ALG11: variants seen among roughly 807,000 people sequenced by gnomAD.
The protein encoded by ALG11 is ALG11 alpha-1,2-mannosyltransferase, also known as GDP-Man:Man(3)GlcNAc(2)-PP-Dol alpha-1,2-mannosyltransferase.
ALG11 carries 26 observed loss-of-function variants against 38.8 expected under a neutral mutation model. That is an observed-to-expected ratio of 0.67 (90% CI 0.49 to 0.93). ALG11 has a LOEUF of 0.93. Ranked by LOEUF, ALG11 falls within the 40% of genes least tolerant of loss-of-function variation. ALG11 has a pLI of 0.00. For missense variants in ALG11, 535 were observed against 578.8 expected, an observed-to-expected ratio of 0.92 and a Z score of 0.78; for synonymous variants, 199 against 211.6, an observed-to-expected ratio of 0.94 and a Z score of 0.52.
At chr13:52,027,524 T>C (rs1954253095) in intron 3 of ALG11, among the ~76,000 whole-genome samples, 1 of 152,236 alleles carries the variant, frequency 6.6e-6, no homozygotes, top group African/African-American at 2.4e-5. Flanking sequence ...ATCAGCTCTG[T>C]ACCATCCTTC....
Position 52,031,127 on chromosome 13 carries a change from C to CA in ALG11, c.*2538dup, listed in dbSNP as rs1954300003. On this transcript the variant is annotated 3_prime_UTR_variant, in exon 4 of 4. Transcript: ENST00000521508. ...GTAGGTTGTGTAGCTGGAGAAGTGA[C>CA]AGTCAGGGGCCCTGATTCCACTTCC... The CA allele has an allele frequency of 6.3e-7, 1 of 1,583,346 alleles. No individual in the cohort carries two copies. Among genetic ancestry groups the CA allele is most frequent in the Non-Finnish European group, 8.6e-7 (1 of 1,164,780 alleles).
intron 1 of ALG11, 110 bp downstream of exon 1, chr13:52,012,572 A>G: frequency 6.9e-7 from 1 of 1,458,158 alleles, no homozygotes; most frequent in Non-Finnish European, 9.5e-7. Flanking sequence ...TCATGAATCT[A>G]AGGTAATTTC....
intron 1 of ALG11, chr13:52,017,269 G>C (rs1954141967): frequency 6.6e-6 from 1 of 152,236 alleles, no homozygotes; most frequent in African/African-American, 2.4e-5. Context: ...GAAGGGACTT[G>C]CCTTGTCTCG....
chr13:52,023,762 G>A (rs1342365655), intron 2 of ALG11: 12 of 250,640 alleles, frequency 4.8e-5, no homozygotes, highest in East Asian at 1.6e-4. Flanking sequence ...ATGCAGTCTC[G>A]GCTCTCAGTC....
At chr13:52,021,677 T>G (rs1954185236) in intron 2 of ALG11, 2 of 152,250 alleles carry the variant, frequency 1.3e-5, no homozygotes, top group Non-Finnish European at 2.9e-5. Context: ...CCATGTTTGG[T>G]CTCCATCATA....
rs1321280554 is a variant in ALG11, at chr13:52,031,253, A to G, written c.*2663A>G. ...TTTTAAAAAAAGAAAATGGATGACC[A>G]TTAATTGACTAGCATTTTAGAATTG... On this transcript the variant is annotated 3_prime_UTR_variant, in exon 4 of 4. Coordinates refer to ENST00000521508, the MANE Select transcript of ALG11 (RefSeq NM_001004127.3). 1.7e-6 allele frequency: 2 copies of G among 1,173,198 alleles called. No homozygotes were observed. Among genetic ancestry groups the G allele is most frequent in the East Asian group, 2.6e-5 (1 of 39,156 alleles). The allele number at this position is 1,173,198 out of a possible 1,614,324, so 72.7% of individuals were successfully genotyped here.
rs144058020 is a variant in ALG11, at chr13:52,026,958, G to A, written c.1208-1361G>A. Among the ~76,000 whole-genome samples, 179 of 152,276 alleles carry A rather than the reference G, an allele frequency of 1.2e-3. 1 individual carries two copies. Among genetic ancestry groups the A allele is most frequent in the African/African-American group, 4.2e-3 (174 of 41,558 alleles). On this transcript the variant is annotated intron_variant, in intron 3 of 3. Transcript: ENST00000521508. ...GTACAAAATGCAGAGAACAGGAACAGCTGAGAAATGGGGAGAAGAAATGGA... is the reference window on the plus strand; with the variant it reads ...GTACAAAATGCAGAGAACAGGAACAACTGAGAAATGGGGAGAAGAAATGGA...
At position 52,029,331 on chromosome 13, in the gene ALG11, G is replaced by C. The variant is rs1281421588; in HGVS notation, c.*741G>C. 1.2e-6 allele frequency: 2 copies of C among 1,614,018 alleles called. No individual in the cohort carries two copies. Among genetic ancestry groups the C allele is most frequent in the African/African-American group, 1.3e-5 (1 of 74,892 alleles). The stretch of plus-strand genomic sequence containing the variant: ...GCTCCCATTGAACATGCGCTCAGTG[G>C]CTGGAAGGCAAGAACTCCCCTGGAG... On this transcript the variant is annotated 3_prime_UTR_variant, in exon 4 of 4. Coordinates refer to ENST00000521508, the MANE Select transcript of ALG11 (RefSeq NM_001004127.3).
At chr13:52,023,112 T>C (rs934050685) in intron 2 of ALG11, 1 of 152,268 alleles carries the variant, frequency 6.6e-6, no homozygotes, top group African/African-American at 2.4e-5. Flanking sequence ...GACTTGCATT[T>C]TTCAGATAAA....
intron 2 of ALG11, chr13:52,021,669 A>G (rs779977891): frequency 6.6e-6 from 1 of 152,240 alleles, no homozygotes; most frequent in Non-Finnish European, 1.5e-5. Context: ...AGGGGCTGCC[A>G]TGTTTGGTCT....
intron 3 of ALG11, among the ~76,000 whole-genome samples, chr13:52,028,075 A>T (rs1158538000): frequency 6.6e-6 from 1 of 152,098 alleles, no homozygotes; most frequent in African/African-American, 2.4e-5. Context: ...CCTGGGCAAC[A>T]TAGTGAGACC....
At chr13:52,012,703 G>A (rs1234092725) in intron 1 of ALG11, among the ~76,000 whole-genome samples, 1 of 152,114 alleles carries the variant, frequency 6.6e-6, no homozygotes, top group Non-Finnish European at 1.5e-5. Flanking sequence ...GAGGGGTCGA[G>A]TTCCCTTCCC....
chr13:52,020,847 A>G (rs1434262689), intron 2 of ALG11: 1 of 152,160 alleles, frequency 6.6e-6, no homozygotes, highest in South Asian at 2.1e-4. Flanking sequence ...CTTTCTATAT[A>G]GTGTTCTTTT....
intron 1 of ALG11, chr13:52,017,691 T>G (rs1218793341): frequency 6.5e-6 from 1 of 154,796 alleles, no homozygotes; most frequent in Non-Finnish European, 1.4e-5. Context: ...GAACTGTAAG[T>G]CCAATTAAAT....
In ALG11 at chr13:52,031,072, C is replaced by T; in HGVS notation, c.*2482C>T. On this transcript the variant is annotated 3_prime_UTR_variant, in exon 4 of 4. Transcript: ENST00000521508. ...TCATACAGAGGAATCCAAAACGAAT[C>T]ACCACACGTCACAATAAAGAAGAAA... 1 of 1,613,506 alleles carries T rather than the reference C, an allele frequency of 6.2e-7. No individual in the cohort carries two copies. The highest frequency in any genetic ancestry group is 1.1e-5 in the South Asian group (1 of 91,050).
rs991088234 is a variant in ALG11 at position 52,024,715 on chromosome 13, A to G, written c.985A>G (p.Lys329Glu). 6 of 1,614,110 alleles carry G rather than the reference A, an allele frequency of 3.7e-6. No homozygotes were observed. Among genetic ancestry groups the G allele is most frequent in the Admixed American group, 3.3e-5 (2 of 60,012 alleles). ...AGCCTTTGCTAAATTGCTGAATAAGAAGATGGTTGAGTCACCTCCTTCGCT... is the reference window on the plus strand; with the variant it reads ...AGCCTTTGCTAAATTGCTGAATAAGGAGATGGTTGAGTCACCTCCTTCGCT... Reference protein sequence around the residue: ...IRAFAKLLNKKMVESPPSLKL... With the variant: ...IRAFAKLLNKEMVESPPSLKL... The change falls in exon 3 of 4, where the codon AAG becomes GAG. Residue 329 changes from lysine (K) to glutamate (E), a missense_variant. Coordinates refer to ENST00000521508, the MANE Select transcript of ALG11 (RefSeq NM_001004127.3).
chr13:52,014,572 T>G (rs1007713803), intron 1 of ALG11, among the ~76,000 whole-genome samples: 2 of 151,986 alleles, frequency 1.3e-5, no homozygotes, highest in African/African-American at 4.8e-5. Flanking sequence ...TCTTGCTCTG[T>G]TGCCCAGGCT....
intron 1 of ALG11, among the ~76,000 whole-genome samples, chr13:52,015,537 A>G (rs1954127106): frequency 6.6e-6 from 1 of 152,164 alleles, no homozygotes; most frequent in African/African-American, 2.4e-5. Flanking sequence ...GAATGCCCAC[A>G]TGTTGTGGGA....
At chr13:52,023,684 T>TTTTTTG (rs201037813) in intron 2 of ALG11, 5 of 156,098 alleles carry the variant, frequency 3.2e-5, no homozygotes, top group East Asian at 1.8e-4. Flanking sequence ...ATATATTCTT[T>TTTTTTG]TTTTTGTTTT....
Sources: allele counts gnomAD v4.1 joint callset (sites outside exome capture counted in the v4.1 genomes callset), GRCh38; gene constraint gnomAD v4.1.1; transcripts MANE v1.5; gene names NCBI Gene and HGNC (gene_info 2026-07-23, HGNC 2026-07-21).